TMA7: variants seen among roughly 807,000 people sequenced by gnomAD.
TMA7 encodes translation machinery-associated protein 7.
In TMA7, 5 loss-of-function variants were observed where a neutral mutation model predicts 12.5. The observed-to-expected ratio is 0.40, with a 90% CI of 0.21 to 0.84. TMA7 has a LOEUF of 0.84. Ranked by LOEUF, TMA7 falls within the 40% of genes least tolerant of loss-of-function variation. TMA7 has a pLI of 0.36. For synonymous variants in TMA7, 36 were observed against 28.1 expected (o/e 1.28, Z -0.89); for missense variants, 71 against 75.4 (o/e 0.94, Z 0.22).
intron 3 of TMA7, among the ~76,000 whole-genome samples, chr3:48,442,397 T>C (rs2039591669): frequency 1.3e-5 from 2 of 152,124 alleles, no homozygotes; most frequent in African/African-American, 4.8e-5. Flanking sequence ...TTAAGGTTTA[T>C]TTTGTCAGGC....
At chr3:48,443,230 G>A (rs1461651594) in intron 3 of TMA7, among the ~76,000 whole-genome samples, 4 of 100,650 alleles carry the variant, frequency 4.0e-5, no homozygotes, top group African/African-American at 1.6e-4. Flanking sequence ...GACAAAGCAA[G>A]ACTCCATCTC....
At chr3:48,443,133 G>A (rs531169219) in intron 3 of TMA7, among the ~76,000 whole-genome samples, 4 of 151,020 alleles carry the variant, frequency 2.6e-5, no homozygotes, top group African/African-American at 9.8e-5. Flanking sequence ...CCAGCTACTC[G>A]GAAGGCTCAT....
intron 3 of TMA7, among the ~76,000 whole-genome samples, chr3:48,441,810 A>T (rs1454697021): frequency 6.6e-6 from 1 of 152,212 alleles, no homozygotes; most frequent in African/African-American, 2.4e-5. Flanking sequence ...GAGCCATGCT[A>T]GGCATGATGG....
chr3:48,441,514 T>C (rs1244049569), intron 3 of TMA7, among the ~76,000 whole-genome samples: 2 of 151,998 alleles, frequency 1.3e-5, no homozygotes, highest in East Asian at 1.9e-4. Flanking sequence ...CTGCTTATAT[T>C]ATCTCTAATA....
chr3:48,443,534 A>AG (rs761737677), intron 3 of TMA7, among the ~76,000 whole-genome samples: 58 of 147,624 alleles, frequency 3.9e-4, no homozygotes, highest in Non-Finnish European at 4.0e-4. Context: ...ATTCCATCTC[A>AG]GAAAAAAAAA....
At chr3:48,440,507 A>G (rs1391790479) in intron 2 of TMA7, 34 bp from the exon 3 acceptor site, 5 of 1,605,606 alleles carry the variant, frequency 3.1e-6, no homozygotes, top group East Asian at 2.2e-5. Flanking sequence ...GCTGGGAGAC[A>G]GGCCTGAGTT....
chr3:48,440,512 T>G, intron 2 of TMA7, 29 bp from the exon 3 acceptor site: 2 of 1,606,616 alleles, frequency 1.2e-6, no homozygotes, highest in Non-Finnish European at 1.7e-6. Context: ...GAGACAGGCC[T>G]GAGTTGAACA....
intron 1 of TMA7, 35 bp from the exon 2 acceptor site, chr3:48,440,368 C>A (rs1350277598): frequency 6.2e-7 from 1 of 1,611,716 alleles, no homozygotes; most frequent in East Asian, 2.2e-5. Context: ...GACCGGGCGG[C>A]AGGGGCAGGC....
Position 48,440,575 on chromosome 3 carries a change from A to T in TMA7, c.107A>T (p.Glu36Val), listed in dbSNP as rs2039535201. The change falls in exon 3 of 4, where the codon GAG becomes GTG. Residue 36 changes from glutamate (E) to valine (V), a missense_variant. Physicochemically the swap from Glu to Val is moderately radical, Grantham distance 121 (BLOSUM62 -2). Transcript: ENST00000438607. ...DKAFKQKQKE[E>V]QKKLEELKAK... ...GCTTTCAAGCAGAAACAAAAAGAGG[A>T]GCAGAAGAAACTCGAGGAGCTAAAA... 1 of 1,611,628 alleles carries T rather than the reference A, an allele frequency of 6.2e-7. No individual in the cohort carries two copies. Among genetic ancestry groups the T allele is most frequent in the Non-Finnish European group, 8.5e-7 (1 of 1,179,738 alleles).
At chr3:48,441,690 T>C (rs1430926986) in intron 3 of TMA7, among the ~76,000 whole-genome samples, 1 of 152,204 alleles carries the variant, frequency 6.6e-6, no homozygotes, top group African/African-American at 2.4e-5. Flanking sequence ...CAAAATATTT[T>C]TCAGGCCCAG....
At chr3:48,440,667 C>CT in intron 3 of TMA7, 39 bp downstream of exon 3, 1 of 1,569,662 alleles carries the variant, frequency 6.4e-7, no homozygotes, top group African/African-American at 1.4e-5. Context: ...TGGCCAAACG[C>CT]TATGAGCACC....
Position 48,443,992 on chromosome 3 carries a change from T to C in TMA7, c.*110T>C. The C allele has an allele frequency of 1.3e-6, 1 of 787,004 alleles. No homozygotes were observed. The highest frequency in any genetic ancestry group is 1.8e-6 in the Non-Finnish European group (1 of 550,096). 48.8% of individuals were successfully genotyped at this position (787,004 alleles called of 1,614,324 possible). ...CACGTATAGCTGGAATTAAGTGTTG[T>C]CTTGGAGCTGTTGTACATTTAAGAA... On this transcript the variant is annotated 3_prime_UTR_variant, in exon 4 of 4. Coordinates refer to ENST00000438607, the MANE Select transcript of TMA7 (RefSeq NM_015933.6).
chr3:48,440,790 C>T, intron 3 of TMA7, 162 bp downstream of exon 3: 1 of 672,374 alleles, frequency 1.5e-6, no homozygotes, highest in Non-Finnish European at 2.6e-6. Context: ...TTTGCAGCGG[C>T]AGTAAGGGCC....
intron 3 of TMA7, 97 bp downstream of exon 3, chr3:48,440,725 C>A: frequency 9.0e-7 from 1 of 1,115,754 alleles, no homozygotes; most frequent in Non-Finnish European, 1.3e-6. Context: ...TCCTGAACTG[C>A]GAGGTCTCGT....
At position 48,440,574 on chromosome 3, in the gene TMA7, G is replaced by A. The variant is rs781704300; in HGVS notation, c.106G>A (p.Glu36Lys). 8.7e-6 allele frequency: 14 copies of A among 1,611,884 alleles called. No individual in the cohort carries two copies. The highest frequency in any genetic ancestry group is 2.2e-5 in the South Asian group (2 of 90,958). Residue 36 changes from glutamate to lysine, a missense_variant, in exon 3 of 4, where the codon GAG becomes AAG. Coordinates refer to ENST00000438607, the MANE Select transcript of TMA7 (RefSeq NM_015933.6). ...GGCTTTCAAGCAGAAACAAAAAGAGGAGCAGAAGAAACTCGAGGAGCTAAA... is the reference window on the plus strand; with the variant it reads ...GGCTTTCAAGCAGAAACAAAAAGAGAAGCAGAAGAAACTCGAGGAGCTAAA... Reference protein sequence around the residue: ...DKAFKQKQKEEQKKLEELKAK... With the variant: ...DKAFKQKQKEKQKKLEELKAK...
chr3:48,442,172 G>C (rs2039585851), intron 3 of TMA7, among the ~76,000 whole-genome samples: 2 of 151,746 alleles, frequency 1.3e-5, no homozygotes, highest in Admixed American at 1.3e-4. Context: ...CAAGGTAAGA[G>C]GATTATTTGA....
chr3:48,440,341 G>A (rs1248786363), intron 1 of TMA7, 29 bp downstream of exon 1: 1 of 1,611,800 alleles, frequency 6.2e-7, no homozygotes, highest in Non-Finnish European at 8.5e-7. Context: ...TGAGGACTGC[G>A]GGGACGGCGG....
At chr3:48,443,585 A>G (rs1025175908) in intron 3 of TMA7, among the ~76,000 whole-genome samples, 11 of 152,030 alleles carry the variant, frequency 7.2e-5, no homozygotes, top group Non-Finnish European at 1.3e-4. Context: ...TTGATATGGC[A>G]TGAGGATTAA....
At chr3:48,441,656 A>T (rs968348451) in intron 3 of TMA7, among the ~76,000 whole-genome samples, 1 of 152,106 alleles carries the variant, frequency 6.6e-6, no homozygotes, top group African/African-American at 2.4e-5. Context: ...TACATCTTTT[A>T]TGTAGGAGAA....
Sources: allele counts gnomAD v4.1 joint callset (sites outside exome capture counted in the v4.1 genomes callset), GRCh38; gene constraint gnomAD v4.1.1; transcripts MANE v1.5; gene names NCBI Gene and HGNC (gene_info 2026-07-23, HGNC 2026-07-21).